Variants in JCAD observed in about 807,000 individuals in gnomAD.
JCAD encodes junctional cadherin 5 associated, also known as junctional cadherin 5-associated protein.
Under a neutral mutation model 98.0 loss-of-function variants are expected in JCAD, and 40 were observed. The observed-to-expected ratio is 0.41, with a 90% CI of 0.32 to 0.53. JCAD has a LOEUF of 0.53. Ranked by LOEUF, JCAD falls within the 20% of genes least tolerant of loss-of-function variation. JCAD has a pLI of 0.31. For synonymous variants in JCAD, 691 were observed against 682.3 expected (o/e 1.01, Z -0.20); for missense variants, 1,705 against 1,738.1 (o/e 0.98, Z 0.34).
At chr10:30,055,029 A>G (rs1474715276) in intron 1 of JCAD, among the ~76,000 whole-genome samples, 1 of 152,244 alleles carries the variant, frequency 6.6e-6, no homozygotes, top group African/African-American at 2.4e-5. Flanking sequence ...TAAAAGAAAC[A>G]TTGAAGAAAA....
intron 2 of JCAD, among the ~76,000 whole-genome samples, chr10:30,045,451 C>G (rs1837315081): frequency 6.6e-6 from 1 of 152,176 alleles, no homozygotes; most frequent in Non-Finnish European, 1.5e-5. Context: ...ATGCCCTGTA[C>G]TGTAAGACTC....
Position 30,017,891 on chromosome 10 carries a change from T to G in JCAD, c.4072A>C (p.Arg1358=). Residue 1358 remains arginine (R), a synonymous_variant, in exon 4 of 4, where the codon AGG becomes CGG. Coordinates refer to ENST00000375377, the MANE Select transcript of JCAD (RefSeq NM_020848.4). ...PDSYDPSRVE[R]V ...GCTCCACCGGCATTTCATCACACCC[T>G]CTCCACTCTGCTAGGGTCATAGGAA... 6.2e-7 allele frequency: 1 copy of G among 1,612,832 alleles called. No homozygotes were observed. The highest frequency in any genetic ancestry group is 8.5e-7 in the Non-Finnish European group (1 of 1,179,078).
At chr10:30,094,472 C>A (rs1838337048) in intron 1 of JCAD, among the ~76,000 whole-genome samples, 1 of 151,874 alleles carries the variant, frequency 6.6e-6, no homozygotes, top group Non-Finnish European at 1.5e-5. Flanking sequence ...AAAACCACAA[C>A]AAAAACAAAA....
chr10:30,090,474 G>A (rs1049688100), intron 1 of JCAD, among the ~76,000 whole-genome samples: 5 of 151,466 alleles, frequency 3.3e-5, no homozygotes, highest in South Asian at 2.1e-4. Context: ...CCCAGAGCCA[G>A]AGGTTGCAAT....
chr10:30,033,984 A>T (rs554328132), intron 2 of JCAD, among the ~76,000 whole-genome samples: 1 of 152,094 alleles, frequency 6.6e-6, no homozygotes, highest in African/African-American at 2.4e-5. Flanking sequence ...AGCGCTTTGG[A>T]GGCTGAGGTG....
intron 2 of JCAD, among the ~76,000 whole-genome samples, chr10:30,068,020 A>T (rs1034085060): frequency 9.9e-5 from 15 of 152,186 alleles, no homozygotes; most frequent in African/African-American, 3.1e-4. Flanking sequence ...ATCTTATGAG[A>T]CCACCATCAT....
chr10:30,024,130 ACTC>A (rs1359204542), intron 3 of JCAD, among the ~76,000 whole-genome samples: 1 of 152,198 alleles, frequency 6.6e-6, no homozygotes, highest in African/African-American at 2.4e-5. Flanking sequence ...ATGCCACTGC[ACTC>A]CAGCCTGGGC....
intron 1 of JCAD, among the ~76,000 whole-genome samples, chr10:30,079,930 C>T: frequency 6.6e-6 from 1 of 152,116 alleles, no homozygotes; most frequent in Non-Finnish European, 1.5e-5. Context: ...TCATCATTTA[C>T]TTAATTTTTC....
intron 1 of JCAD, among the ~76,000 whole-genome samples, chr10:30,057,935 T>C (rs764698069): frequency 6.6e-6 from 1 of 152,116 alleles, no homozygotes; most frequent in Admixed American, 6.5e-5. Flanking sequence ...TGAAATAGAA[T>C]CTGCATATGA....
chr10:30,049,567 C>A (rs1352467408), intron 1 of JCAD, among the ~76,000 whole-genome samples: 1 of 152,146 alleles, frequency 6.6e-6, no homozygotes, highest in Non-Finnish European at 1.5e-5. Context: ...CAAGCTCTGG[C>A]AGCTACTGTA....
chr10:30,108,027 T>C (rs1838617720), intron 1 of JCAD, among the ~76,000 whole-genome samples: 1 of 152,042 alleles, frequency 6.6e-6, no homozygotes, highest in Non-Finnish European at 1.5e-5. Flanking sequence ...TTAAGAATGA[T>C]GGTGGCCGGG....
At chr10:30,103,189 CT>C (rs901175501) in intron 1 of JCAD, among the ~76,000 whole-genome samples, 1 of 152,148 alleles carries the variant, frequency 6.6e-6, no homozygotes, top group Non-Finnish European at 1.5e-5. Flanking sequence ...CCACATTTTC[CT>C]TGCCCATTCA....
chr10:30,084,744 C>T (rs1429797312), intron 1 of JCAD, among the ~76,000 whole-genome samples: 1 of 152,116 alleles, frequency 6.6e-6, no homozygotes, highest in Non-Finnish European at 1.5e-5. Context: ...TTGTCAGCCT[C>T]CATAATGGCA....
chr10:30,109,746 C>T (rs1419318738), intron 1 of JCAD, among the ~76,000 whole-genome samples: 2 of 151,948 alleles, frequency 1.3e-5, no homozygotes, highest in African/African-American at 2.4e-5. Context: ...TATAGGCCCC[C>T]GATGTATGGA....
chr10:30,029,416 C>T lies in JCAD; in HGVS notation c.732G>A (p.Thr244=), dbSNP rs11813359. 0.013 allele frequency: 21,007 copies of T among 1,613,850 alleles called. 162 individuals carry two copies. The highest frequency in any genetic ancestry group is 0.016 in the Middle Eastern group (99 of 6,062). ...TTTCATTTAATGGAATGGGAATTTCCGTGCAACTCAGGCTCTCGGGGGAAA... is the reference window on the plus strand; with the variant it reads ...TTTCATTTAATGGAATGGGAATTTCTGTGCAACTCAGGCTCTCGGGGGAAA... ...RVLSPESLSC[T]EIPIPLNERH... is the part of the protein sequence containing the mutation. The change falls in exon 3 of 4, where the codon ACG becomes ACA. Residue 244 remains threonine, a synonymous_variant. Transcript: ENST00000375377.
chr10:30,109,190 T>C (rs12220246), intron 1 of JCAD, among the ~76,000 whole-genome samples: 38,562 of 152,084 alleles, frequency 0.25, 5,299 homozygotes, highest in East Asian at 0.34. Context: ...GAGACTACGA[T>C]TGGCGGAGCG....
At chr10:30,090,539 T>A (rs1838241515) in intron 1 of JCAD, among the ~76,000 whole-genome samples, 1 of 121,302 alleles carries the variant, frequency 8.2e-6, no homozygotes, top group African/African-American at 3.3e-5. Context: ...AGACTCTGTC[T>A]CAGGAAAGGA....
At chr10:30,092,055 A>C (rs1838280631) in intron 1 of JCAD, among the ~76,000 whole-genome samples, 1 of 26,436 alleles carries the variant, frequency 3.8e-5, no homozygotes. Context: ...AAAAAAAAAA[A>C]AAAAAAAAAA....
intron 2 of JCAD, among the ~76,000 whole-genome samples, chr10:30,039,602 T>G (rs1392014540): frequency 6.6e-6 from 1 of 152,202 alleles, no homozygotes; most frequent in Non-Finnish European, 1.5e-5. Context: ...GGCCAGTCCT[T>G]GGGGAGCCGG....
Sources: allele counts gnomAD v4.1 joint callset (sites outside exome capture counted in the v4.1 genomes callset), GRCh38; gene constraint gnomAD v4.1.1; transcripts MANE v1.5; gene names NCBI Gene and HGNC (gene_info 2026-07-23, HGNC 2026-07-21).